Variants in CLIC2 observed in about 807,000 individuals in gnomAD.
The protein encoded by CLIC2 is chloride intracellular channel protein 2.
In CLIC2, 9 loss-of-function variants were observed where a neutral mutation model predicts 14.8. The ratio of observed to expected loss-of-function variants is 0.61; its 90% CI spans 0.37 to 1.06. The LOEUF (loss-of-function observed/expected upper bound fraction) is 1.06. Among genes scored for constraint, CLIC2 ranks in the 50% least tolerant of loss-of-function variants. CLIC2 has a pLI of 0.01. For missense variants in CLIC2, 148 were observed against 181.4 expected, an observed-to-expected ratio of 0.82 and a Z score of 1.06; for synonymous variants, 61 against 66.3, an observed-to-expected ratio of 0.92 and a Z score of 0.39.
chrX:155,334,029 G>A (rs2075165893), intron 1 of CLIC2, among the ~76,000 whole-genome samples: 1 of 110,928 alleles, frequency 9.0e-6, no homozygotes, highest in Non-Finnish European at 1.9e-5. Context: ...ATCTTGTCAT[G>A]CTCCTTCATT....
intron 3 of CLIC2, among the ~76,000 whole-genome samples, chrX:155,289,727 C>T (rs1557317410): frequency 8.9e-6 from 1 of 111,732 alleles, no homozygotes; most frequent in East Asian, 2.8e-4. Context: ...ATCAGAAATC[C>T]TGCAGTATAG....
chrX:155,280,522 G>T (rs1227071614), intron 3 of CLIC2, among the ~76,000 whole-genome samples: 1 of 110,646 alleles, frequency 9.0e-6, no homozygotes, highest in Non-Finnish European at 1.9e-5. Flanking sequence ...GTGAAACCTT[G>T]TCTCTACTAA....
chrX:155,305,466 C>T (rs1190690414), intron 1 of CLIC2, among the ~76,000 whole-genome samples: 1 of 112,057 alleles, frequency 8.9e-6, no homozygotes, highest in East Asian at 2.8e-4. Context: ...TGACCTGCGC[C>T]CACTGTCTGG....
intron 1 of CLIC2, among the ~76,000 whole-genome samples, chrX:155,311,112 T>C (rs911182095): frequency 1.8e-5 from 2 of 112,390 alleles, no homozygotes; most frequent in Non-Finnish European, 3.8e-5. Flanking sequence ...GTCTTGGTGA[T>C]TAACATTCTG....
chrX:155,325,761 GAT>G (rs60334475), intron 1 of CLIC2, among the ~76,000 whole-genome samples: 3,762 of 32,411 alleles, frequency 0.12, 121 homozygotes, highest in Non-Finnish European at 0.15. Context: ...AAGAAAATGT[GAT>G]ATATATATAT....
At chrX:155,313,197 CAA>C (rs59429236) in intron 1 of CLIC2, among the ~76,000 whole-genome samples, 460 of 32,654 alleles carry the variant, frequency 0.014, 2 homozygotes, top group African/African-American at 0.037. Context: ...ATAAATAAGG[CAA>C]AAAAAAAAAA....
chrX:155,297,884 A>AAAAAAAAAAAAAAAAAAGAAG (rs1557318527), intron 3 of CLIC2, among the ~76,000 whole-genome samples: 3 of 45,226 alleles, frequency 6.6e-5, no homozygotes, highest in South Asian at 1.7e-3. Flanking sequence ...AAAAAAAAAA[A>AAAAAAAAAAAAAAAAAAGAAG]AAGAAGGTGA....
intron 1 of CLIC2, among the ~76,000 whole-genome samples, chrX:155,333,359 T>C (rs1032193732): frequency 2.7e-5 from 3 of 111,277 alleles, no homozygotes; most frequent in Non-Finnish European, 3.8e-5. Context: ...AAAGTTGTAA[T>C]GAAGTAGTAA....
intron 3 of CLIC2, among the ~76,000 whole-genome samples, chrX:155,291,838 GAAAGAGTATGCTGAATA>G (rs1246537065): frequency 8.9e-6 from 1 of 112,343 alleles, no homozygotes; most frequent in African/African-American, 3.2e-5. Context: ...GATATGTTGG[GAAAGAGTATGCTGAATA>G]AAACAGATAT....
At chrX:155,313,979 A>G (rs1004571637) in intron 1 of CLIC2, among the ~76,000 whole-genome samples, 2 of 111,225 alleles carry the variant, frequency 1.8e-5, no homozygotes, top group African/African-American at 6.5e-5. Context: ...CCGTGGGAAC[A>G]TAACTCCATT....
intron 1 of CLIC2, among the ~76,000 whole-genome samples, chrX:155,307,811 A>C (rs1435381823): frequency 9.0e-6 from 1 of 111,408 alleles, no homozygotes; most frequent in Non-Finnish European, 1.9e-5. Flanking sequence ...CTGGAGGCAG[A>C]GGTTGCAGTG....
In CLIC2 at chrX:155,279,342, A is replaced by T; in HGVS notation, c.401-12T>A. 8.5e-7 allele frequency: 1 copy of T among 1,171,016 alleles called. No individual in the cohort carries two copies. Among genetic ancestry groups the T allele is most frequent in the South Asian group, 1.8e-5 (1 of 56,069 alleles). ...AGATTTTTCAAAATCTGAGGCAATG[A>T]AGTAATAGAGTTACTTGTAAATGTA... On this transcript the variant is annotated splice_polypyrimidine_tract_variant and intron_variant, in intron 4 of 5. Coordinates refer to ENST00000369449, the MANE Select transcript of CLIC2 (RefSeq NM_001289.6).
At chrX:155,288,001 T>G (rs1557317244) in intron 3 of CLIC2, among the ~76,000 whole-genome samples, 1 of 111,829 alleles carries the variant, frequency 8.9e-6, no homozygotes, top group Non-Finnish European at 1.9e-5. Context: ...TTTTATTTTT[T>G]TGTGTGTGGC....
At chrX:155,290,883 C>A in intron 3 of CLIC2, 1 of 667,620 alleles carries the variant, frequency 1.5e-6, no homozygotes, top group South Asian at 2.2e-5. Context: ...TCCACACCCA[C>A]GTCAGTCTGT....
chrX:155,305,069 A>C (rs1298535404), intron 1 of CLIC2, among the ~76,000 whole-genome samples: 23 of 112,320 alleles, frequency 2.0e-4, no homozygotes, highest in Non-Finnish European at 3.8e-4. Flanking sequence ...TGGAGCCTAC[A>C]GAGGCAGGCA....
At chrX:155,291,293 T>C in intron 3 of CLIC2, 1 of 905,005 alleles carries the variant, frequency 1.1e-6, no homozygotes. Context: ...AATAGATATT[T>C]TCAGAGGTCT....
chrX:155,313,683 T>C (rs1034833394), intron 1 of CLIC2, among the ~76,000 whole-genome samples: 1 of 112,033 alleles, frequency 8.9e-6, no homozygotes, highest in African/African-American at 3.2e-5. Context: ...GCTGAGATAA[T>C]CCACAGACCC....
chrX:155,279,955 A>G lies in CLIC2; in HGVS notation c.400+7T>C. 9.0e-7 allele frequency: 1 copy of G among 1,109,251 alleles called. No homozygotes were observed. The allele number at this position is 1,109,251 out of a possible 1,213,427, so 91.4% of individuals were successfully genotyped here. ...GAAAAATAGAGATTTAAAGAAAGGTATCTTACTCTTATTTGCCTCCTTTTG... is the reference window on the plus strand; with the variant it reads ...GAAAAATAGAGATTTAAAGAAAGGTGTCTTACTCTTATTTGCCTCCTTTTG... On this transcript the variant is annotated splice_region_variant and intron_variant, in intron 4 of 5. Transcript: ENST00000369449.
intron 3 of CLIC2, among the ~76,000 whole-genome samples, chrX:155,284,778 C>T (rs181075448): frequency 8.9e-6 from 1 of 111,972 alleles, no homozygotes; most frequent in East Asian, 2.8e-4. Context: ...AATCACAGTT[C>T]ATTGAAAATA....
Sources: gnomAD v4.1 joint callset for allele counts (sites outside exome capture counted in the v4.1 genomes callset) on GRCh38, gnomAD v4.1.1 for gene constraint, MANE v1.5 for transcripts, NCBI Gene and HGNC (gene_info 2026-07-23, HGNC 2026-07-21) for gene names.